NEB: variants seen among roughly 807,000 people sequenced by gnomAD.
NEB encodes nemaline myopathy type 2.
A neutral mutation model predicts 952.2 loss-of-function variants in NEB; 512 were observed. That is an observed-to-expected ratio of 0.54 (90% CI 0.50 to 0.58). NEB has a LOEUF of 0.58. Among genes scored for constraint, NEB ranks in the 20% least tolerant of loss-of-function variants. The pLI is 0.00. For missense variants in NEB, 8,428 were observed against 9,231.1 expected, an observed-to-expected ratio of 0.91 and a Z score of 3.56; for synonymous variants, 2,900 against 3,149.8, an observed-to-expected ratio of 0.92 and a Z score of 2.66.
intron 144 of NEB, 117 bp from the exon 145 acceptor site, chr2:151,531,218 G>T: frequency 1.5e-6 from 1 of 681,842 alleles, no homozygotes; most frequent in Non-Finnish European, 2.5e-6. Context: ...CTATGAATTT[G>T]ACAGGTGCTT....
rs1553663195 is a variant in NEB at position 151,717,474 on chromosome 2, G to C, written c.764C>G (p.Pro255Arg). ...GLAEQQAQFT[P>R]LADPPDIEFA... is the part of the protein sequence containing the mutation. Reference sequence around the variant, plus strand: ...TTCTATATCTGGAGGATCAGCCAGAGGCGTGAATTGAGCTTGCTGTTCAGC... The same window carrying C: ...TTCTATATCTGGAGGATCAGCCAGACGCGTGAATTGAGCTTGCTGTTCAGC... Residue 255 changes from proline to arginine, a missense_variant, in exon 10 of 182, where the codon CCT (proline) becomes CGT (arginine). Transcript: ENST00000397345. 1.2e-6 allele frequency: 2 copies of C among 1,613,958 alleles called. No homozygotes were observed. The highest frequency in any genetic ancestry group is 1.1e-5 in the South Asian group (1 of 91,082).
At chr2:151,644,723 A>G (rs375655424) in intron 55 of NEB, 148 bp from the exon 56 acceptor site, 5 of 702,290 alleles carry the variant, frequency 7.1e-6, no homozygotes, top group East Asian at 5.5e-5. Flanking sequence ...ATGCCCATTG[A>G]TTGCTAATGA....
intron 70 of NEB, among the ~76,000 whole-genome samples, chr2:151,626,529 T>C (rs539764982): frequency 6.6e-6 from 1 of 152,220 alleles, no homozygotes; most frequent in African/African-American, 2.4e-5. Flanking sequence ...GAACCCATAA[T>C]AGCTGTCCCA....
At chr2:151,669,960 G>C (rs2099265713) in intron 38 of NEB, among the ~76,000 whole-genome samples, 1 of 152,198 alleles carries the variant, frequency 6.6e-6, no homozygotes, top group Non-Finnish European at 1.5e-5. Context: ...TGACTCAGCA[G>C]AGGTACTGCA....
chr2:151,696,567 G>A, intron 17 of NEB, 70 bp downstream of exon 17: 4 of 1,194,388 alleles, frequency 3.3e-6, no homozygotes, highest in Non-Finnish European at 4.9e-6. Context: ...TAAGTCATTG[G>A]ATTTTATGTA....
intron 71 of NEB, among the ~76,000 whole-genome samples, chr2:151,624,634 T>C (rs2098483525): frequency 6.6e-6 from 1 of 152,150 alleles, no homozygotes; most frequent in Admixed American, 6.5e-5. Context: ...AAAGTAATTA[T>C]TATGGGTAAA....
intron 138 of NEB, 124 bp from the exon 139 acceptor site, chr2:151,538,368 A>G (rs1472666613): frequency 2.8e-6 from 2 of 712,632 alleles, no homozygotes; most frequent in Non-Finnish European, 4.7e-6. Flanking sequence ...GAAAAATTTA[A>G]AAGCTTATTT....
In NEB at chr2:151,644,457, TA is replaced by T. The variant is rs749058044; in HGVS notation, c.7644+10del. On this transcript the variant is annotated intron_variant, in intron 56 of 181. Coordinates refer to ENST00000397345, the MANE Select transcript of NEB (RefSeq NM_001164508.2). ...CAATCAAATCAATATCAACAGAGGATAAAATCTTACTTCACTGGCAATTTCC... is the reference window on the plus strand; with the variant it reads ...CAATCAAATCAATATCAACAGAGGATAAATCTTACTTCACTGGCAATTTCC... 6.3e-7 allele frequency: 1 copy of T among 1,598,838 alleles called. No individual in the cohort carries two copies. The highest frequency in any genetic ancestry group is 1.7e-5 in the Admixed American group (1 of 59,980).
Position 151,727,923 on chromosome 2 carries a change from C to G in NEB, c.79-17G>C. ...TGTTATTGTCTGAAAATTTGATATG[C>G]AGTTCAACATTGTTGTGAAAGTAAA... On this transcript the variant is annotated splice_polypyrimidine_tract_variant and intron_variant, in intron 4 of 181. Transcript: ENST00000397345. The G allele has an allele frequency of 6.3e-7, 1 of 1,593,124 alleles. No homozygotes were observed. Among genetic ancestry groups the G allele is most frequent in the African/African-American group, 1.3e-5 (1 of 74,516 alleles).
At chr2:151,647,951 A>G (rs1187299720) in intron 54 of NEB, among the ~76,000 whole-genome samples, 1 of 152,228 alleles carries the variant, frequency 6.6e-6, no homozygotes, top group Non-Finnish European at 1.5e-5. Flanking sequence ...TGATTATGTG[A>G]GTATGTTCTT....
intron 124 of NEB, among the ~76,000 whole-genome samples, chr2:151,556,745 T>G (rs748427401): frequency 1.4e-5 from 2 of 146,472 alleles, no homozygotes; most frequent in Non-Finnish European, 3.0e-5. Context: ...AGACTTAGAA[T>G]GCAACACAAT....
chr2:151,667,092 A>T (rs1049455888), intron 40 of NEB, among the ~76,000 whole-genome samples: 17 of 152,124 alleles, frequency 1.1e-4, no homozygotes, highest in African/African-American at 4.1e-4. Flanking sequence ...ATCCTGTTAT[A>T]TAATCCATGG....
At chr2:151,547,128 CCACA>C (rs2094814958) in intron 133 of NEB, among the ~76,000 whole-genome samples, 2 of 151,964 alleles carry the variant, frequency 1.3e-5, no homozygotes, top group South Asian at 4.2e-4. Context: ...GGGATGGAGG[CCACA>C]CAGGGAGTTA....
At chr2:151,683,569 T>C (rs1361563805) in intron 28 of NEB, among the ~76,000 whole-genome samples, 1 of 152,138 alleles carries the variant, frequency 6.6e-6, no homozygotes, top group Non-Finnish European at 1.5e-5. Context: ...AAAATCAAAC[T>C]AATAACAAGT....
intron 36 of NEB, among the ~76,000 whole-genome samples, chr2:151,673,834 C>T (rs1301839122): frequency 6.6e-6 from 1 of 150,594 alleles, no homozygotes; most frequent in African/African-American, 2.4e-5. Context: ...CCCGGGTTCA[C>T]GCCATTCTCG....
In NEB at chr2:151,529,260, C is replaced by A; in HGVS notation, c.21685G>T (p.Asp7229Tyr). Residue 7229 changes from aspartate to tyrosine, a missense_variant, in exon 146 of 182, where the codon GAT (aspartate) becomes TAT (tyrosine). Transcript: ENST00000397345. ...RNKSNCTIEP[D>Y]AVHIKAAKDA... ...TTGGCTGCTTTGATATGAACAGCAT[C>A]TGGCTCAATGGTGCAGTTGGATTTA... is the stretch of plus-strand genomic sequence containing the variant. The A allele has an allele frequency of 6.2e-7, 1 of 1,613,748 alleles. No homozygotes were observed. The highest frequency in any genetic ancestry group is 1.3e-5 in the African/African-American group (1 of 75,038).
chr2:151,642,192 A>G (rs574647086), intron 60 of NEB, among the ~76,000 whole-genome samples: 1 of 152,350 alleles, frequency 6.6e-6, no homozygotes, highest in East Asian at 1.9e-4. Flanking sequence ...AATGTGTCCT[A>G]TAATTCAGCC....
rs191083610 is a variant in NEB, at chr2:151,565,800, C to T, written c.18177G>A (p.Leu6059=). 2 of 1,610,574 alleles carry T rather than the reference C, an allele frequency of 1.2e-6. No homozygotes were observed. Among genetic ancestry groups the T allele is most frequent in the East Asian group, 4.5e-5 (2 of 44,728 alleles). Residue 6059 remains leucine (L), a synonymous_variant, in exon 115 of 182, where the codon CTG becomes CTA. Transcript: ENST00000397345. ...LQSDNVYRAD[L]EWLRGIGWIP... ...TCCAGCCAATGCCTCGGAGCCACTC[C>T]AGGTCAGCTCTGTAGACATTCTGAG...
chr2:151,578,970 A>C (rs571786873), intron 105 of NEB, among the ~76,000 whole-genome samples: 1 of 150,386 alleles, frequency 6.6e-6, no homozygotes, highest in Admixed American at 6.7e-5. Flanking sequence ...AATCCCAGCT[A>C]CTTGGGAGGC....
Sources: allele counts gnomAD v4.1 joint callset (sites outside exome capture counted in the v4.1 genomes callset), GRCh38; gene constraint gnomAD v4.1.1; transcripts MANE v1.5; gene names NCBI Gene and HGNC (gene_info 2026-07-23, HGNC 2026-07-21).